Variants in MS4A15 observed in about 807,000 individuals in gnomAD.
The protein encoded by MS4A15 is membrane spanning 4-domains A15.
Under a neutral mutation model 20.6 loss-of-function variants are expected in MS4A15, and 22 were observed. The ratio of observed to expected loss-of-function variants is 1.07; its 90% CI spans 0.76 to 1.52. MS4A15 has a LOEUF of 1.52. MS4A15 is among the 40% of genes most tolerant of loss of function. The pLI is 0.00. For missense variants in MS4A15, 312 were observed against 323.0 expected, an observed-to-expected ratio of 0.97 and a Z score of 0.26; for synonymous variants, 129 against 129.3, an observed-to-expected ratio of 1.00 and a Z score of 0.02.
chr11:60,770,433 C>A (rs548118286), intron 3 of MS4A15, among the ~76,000 whole-genome samples: 48 of 151,750 alleles, frequency 3.2e-4, no homozygotes, highest in Non-Finnish European at 4.6e-4. Flanking sequence ...CCCCGTCTCT[C>A]CTAAAAATAC....
rs200809571 is a variant in MS4A15 at position 60,763,920 on chromosome 11, G to A, written c.187G>A (p.Val63Met). 4.1e-4 allele frequency: 662 copies of A among 1,613,044 alleles called. No individual in the cohort carries two copies. The highest frequency in any genetic ancestry group is 4.3e-4 in the Non-Finnish European group (502 of 1,179,888). Reference sequence around the variant, plus strand: ...CACACAGCCACCTGACTTGCGGCCCGTGGAGACATTCCTGACAGGAGAGCC... The same window carrying A: ...CACACAGCCACCTGACTTGCGGCCCATGGAGACATTCCTGACAGGAGAGCC... The part of the protein sequence containing the change: ...RATQPPDLRP[V>M]ETFLTGEPKV... The change falls in exon 2 of 7, where the codon GTG becomes ATG. Residue 63 changes from valine to methionine, a missense_variant. Val to Met is a conservative substitution (Grantham distance 21). Coordinates refer to ENST00000405633, the MANE Select transcript of MS4A15 (RefSeq NM_001098835.2).
intron 2 of MS4A15, among the ~76,000 whole-genome samples, chr11:60,765,241 A>G (rs1853855824): frequency 6.6e-6 from 1 of 152,184 alleles, no homozygotes; most frequent in African/African-American, 2.4e-5. Context: ...GTTAGGTTTC[A>G]GTGTGTTTCT....
Position 60,776,286 on chromosome 11 carries a change from A to T in MS4A15, c.*571A>T, listed in dbSNP as rs1283801386. ...GGAAACTAGAGTGTTGAACCAGATA[A>T]GGTTCATCAGGCCCTTCCAGCTCCC... On this transcript the variant is annotated 3_prime_UTR_variant, in exon 7 of 7. Coordinates refer to ENST00000405633, the MANE Select transcript of MS4A15 (RefSeq NM_001098835.2). The T allele has an allele frequency of 6.6e-6, 1 of 152,324 alleles. No homozygotes were observed. The highest frequency in any genetic ancestry group is 2.4e-5 in the African/African-American group (1 of 41,462). The allele number at this position is 152,324 out of a possible 1,614,324, so 9.4% of individuals were successfully genotyped here.
chr11:60,773,620 A>G (rs1854101386), intron 5 of MS4A15, 136 bp downstream of exon 5: 1 of 821,110 alleles, frequency 1.2e-6, no homozygotes, highest in Admixed American at 2.1e-5. Flanking sequence ...CCATGAATCC[A>G]TGGATCCTCT....
At chr11:60,766,385 A>G (rs1853885862) in intron 2 of MS4A15, among the ~76,000 whole-genome samples, 1 of 152,124 alleles carries the variant, frequency 6.6e-6, no homozygotes, top group African/African-American at 2.4e-5. Flanking sequence ...CCTTCTCAAA[A>G]ATAATAATAA....
In MS4A15 at chr11:60,757,021, T is replaced by G. The variant is rs1202209626; in HGVS notation, c.-66T>G. ...CGACGTGATCGCCTTGAAGTTACGCTTGAAGGAGGAAAACTCATCAATTTT... is the reference window on the plus strand; with the variant it reads ...CGACGTGATCGCCTTGAAGTTACGCGTGAAGGAGGAAAACTCATCAATTTT... On this transcript the variant is annotated 5_prime_UTR_variant, in exon 1 of 7. Coordinates refer to ENST00000405633, the MANE Select transcript of MS4A15 (RefSeq NM_001098835.2). The G allele has an allele frequency of 6.6e-6, 1 of 152,072 alleles. No homozygotes were observed. Among genetic ancestry groups the G allele is most frequent in the African/African-American group, 2.4e-5 (1 of 41,408 alleles). The allele number at this position is 152,072 out of a possible 1,614,324, so 9.4% of individuals were successfully genotyped here. A position where few individuals can be genotyped will look rare whatever the true frequency, so the allele number is the denominator to read the frequency against.
chr11:60,759,438 G>A (rs1853676026), intron 1 of MS4A15, among the ~76,000 whole-genome samples: 1 of 152,258 alleles, frequency 6.6e-6, no homozygotes, highest in Non-Finnish European at 1.5e-5. Context: ...GAAAGCCTGG[G>A]TGTTGTCCAA....
chr11:60,775,731 C>T lies in MS4A15; in HGVS notation c.*16C>T. The T allele has an allele frequency of 1.3e-6, 2 of 1,600,002 alleles. No individual in the cohort carries two copies. The highest frequency in any genetic ancestry group is 1.7e-6 in the Non-Finnish European group (2 of 1,168,484). ...AGTCGTCTGAGTAGCAGATGTGGCA[C>T]CTGCGGGTGGAGTCCAGCCTTTTCC... On this transcript the variant is annotated 3_prime_UTR_variant, in exon 7 of 7. Transcript: ENST00000405633.
At chr11:60,763,996 T>C in intron 2 of MS4A15, 38 bp downstream of exon 2, 1 of 1,560,428 alleles carries the variant, frequency 6.4e-7, no homozygotes, top group Non-Finnish European at 8.7e-7. Context: ...AGGCAGGTAG[T>C]GAGTATCCCA....
intron 2 of MS4A15, among the ~76,000 whole-genome samples, chr11:60,766,935 CA>C (rs1290741685): frequency 6.6e-6 from 1 of 152,182 alleles, no homozygotes; most frequent in Admixed American, 6.5e-5. Flanking sequence ...AATAGTTACC[CA>C]AAACGTTGCA....
At chr11:60,774,552 C>T (rs1854134886) in intron 6 of MS4A15, among the ~76,000 whole-genome samples, 1 of 152,224 alleles carries the variant, frequency 6.6e-6, no homozygotes, top group South Asian at 2.1e-4. Flanking sequence ...GAATAGAAGG[C>T]CCAGGCTCAG....
rs1854031041 is a variant in MS4A15 at position 60,771,282 on chromosome 11, C to T, written c.349-9C>T. On this transcript the variant is annotated splice_polypyrimidine_tract_variant and intron_variant, in intron 3 of 6. Coordinates refer to ENST00000405633, the MANE Select transcript of MS4A15 (RefSeq NM_001098835.2). ...CTGAGGCCTCACCTGGTCCCCTCTCCCCATACAGTTCATCATCTCCGGATC... is the reference window on the plus strand; with the variant it reads ...CTGAGGCCTCACCTGGTCCCCTCTCTCCATACAGTTCATCATCTCCGGATC... 1 of 1,613,592 alleles carries T rather than the reference C, an allele frequency of 6.2e-7. No homozygotes were observed. The highest frequency in any genetic ancestry group is 2.2e-5 in the East Asian group (1 of 44,878).
rs534316627 is a variant in MS4A15 at position 60,774,942 on chromosome 11, A to G, written c.613-663A>G. ...GGGTGGACAAGCGGGGCTCGAGGCCAGGAAGCTGCAAGGAGGCTGGTGCCA... is the reference window on the plus strand; with the variant it reads ...GGGTGGACAAGCGGGGCTCGAGGCCGGGAAGCTGCAAGGAGGCTGGTGCCA... On this transcript the variant is annotated intron_variant, in intron 6 of 6. Coordinates refer to ENST00000405633, the MANE Select transcript of MS4A15 (RefSeq NM_001098835.2). Among the ~76,000 whole-genome samples, 30 of 152,328 alleles carry G rather than the reference A, an allele frequency of 2.0e-4. No individual in the cohort carries two copies. In the South Asian group the frequency reaches 6.2e-3, roughly 32 times the overall value.
rs1355660830 is a variant in MS4A15 at position 60,767,541 on chromosome 11, G to A, written c.234G>A (p.Gln78=). 6.5e-7 allele frequency: 1 copy of A among 1,545,296 alleles called. No individual in the cohort carries two copies. The highest frequency in any genetic ancestry group is 1.2e-5 in the South Asian group (1 of 82,704). ...TGEPKVLGTV[Q]ILIGLIHLGF... ...CTCGGGGCTTCCCGCAGACGGTGCA[G>A]ATCCTCATCGGCCTCATCCACCTAG... Residue 78 remains glutamine, a synonymous_variant, in exon 3 of 7, where the codon CAG becomes CAA. Coordinates refer to ENST00000405633, the MANE Select transcript of MS4A15 (RefSeq NM_001098835.2).
intron 3 of MS4A15, among the ~76,000 whole-genome samples, chr11:60,768,368 C>A (rs1018019080): frequency 6.6e-6 from 1 of 152,212 alleles, no homozygotes; most frequent in South Asian, 2.1e-4. Context: ...AGCTCTGAAG[C>A]CCCTGAGCCC....
At chr11:60,758,980 T>C (rs1055888491) in intron 1 of MS4A15, among the ~76,000 whole-genome samples, 3 of 152,224 alleles carry the variant, frequency 2.0e-5, no homozygotes, top group East Asian at 1.9e-4. Context: ...GACATAAACA[T>C]AGTTAGTGAT....
At chr11:60,763,663 T>C in intron 1 of MS4A15, 43 bp from the exon 2 acceptor site, 2 of 1,538,716 alleles carry the variant, frequency 1.3e-6, no homozygotes, top group South Asian at 1.1e-5. Flanking sequence ...AAAAGCTTTA[T>C]GCACATGGGT....
chr11:60,774,897 C>T (rs557800972), intron 6 of MS4A15, among the ~76,000 whole-genome samples: 2 of 152,238 alleles, frequency 1.3e-5, no homozygotes, highest in East Asian at 3.9e-4. Context: ...GAGGATTTGT[C>T]CAGTGCCGGA....
intron 3 of MS4A15, among the ~76,000 whole-genome samples, chr11:60,769,576 T>C (rs1365234086): frequency 6.6e-6 from 1 of 152,174 alleles, no homozygotes; most frequent in Non-Finnish European, 1.5e-5. Context: ...AGCTGCCCTC[T>C]TGACAACTCC....
Sources: gnomAD v4.1 joint callset for allele counts (sites outside exome capture counted in the v4.1 genomes callset) on GRCh38, gnomAD v4.1.1 for gene constraint, MANE v1.5 for transcripts, NCBI Gene and HGNC (gene_info 2026-07-23, HGNC 2026-07-21) for gene names.